CPNE5: variants seen among roughly 807,000 people sequenced by gnomAD.
CPNE5 encodes copine 5.
A neutral mutation model predicts 81.1 loss-of-function variants in CPNE5; 42 were observed. The observed-to-expected ratio is 0.52, with a 90% CI of 0.40 to 0.67. The LOEUF (loss-of-function observed/expected upper bound fraction) is 0.67, where lower values mean the gene tolerates loss of function less well. CPNE5 is among the 30% of genes least tolerant of loss of function. CPNE5 has a pLI of 0.00. For synonymous variants in CPNE5, 313 were observed against 321.5 expected, an observed-to-expected ratio of 0.97 and a Z score of 0.28; for missense variants, 612 against 815.5, an observed-to-expected ratio of 0.75 and a Z score of 3.04.
intron 3 of CPNE5, among the ~76,000 whole-genome samples, chr6:36,811,148 C>G (rs575082010): frequency 6.6e-6 from 1 of 152,186 alleles, no homozygotes; most frequent in Admixed American, 6.5e-5. Flanking sequence ...CTCTCCACCA[C>G]CTTGTCCCCA....
At position 36,742,032 on chromosome 6, in the gene CPNE5, G is replaced by T; in HGVS notation, c.*236C>A. On this transcript the variant is annotated 3_prime_UTR_variant, in exon 21 of 21. Coordinates refer to ENST00000244751, the MANE Select transcript of CPNE5 (RefSeq NM_020939.2). ...AGCCAGGTATTGGGGAAGAAGAGAAGGGCTGGGTCCCTGTGTACCCCTCTT... is the reference window on the plus strand; with the variant it reads ...AGCCAGGTATTGGGGAAGAAGAGAATGGCTGGGTCCCTGTGTACCCCTCTT... 1 of 507,676 alleles carries T rather than the reference G, an allele frequency of 2.0e-6. No homozygotes were observed. Among genetic ancestry groups the T allele is most frequent in the Non-Finnish European group, 3.5e-6 (1 of 285,816 alleles). The allele number at this position is 507,676 out of a possible 1,614,324, so 31.4% of individuals were successfully genotyped here.
At chr6:36,818,264 C>A (rs112300271) in intron 3 of CPNE5, among the ~76,000 whole-genome samples, 2 of 152,172 alleles carry the variant, frequency 1.3e-5, no homozygotes, top group African/African-American at 2.4e-5. Context: ...CTTCTGGCTG[C>A]GACTTTCCCT....
chr6:36,766,003 C>A lies in CPNE5; in HGVS notation c.738-627G>T, dbSNP rs1766532381. 6.6e-6 allele frequency among the ~76,000 whole-genome samples: 1 copy of A among 152,172 alleles called. No individual in the cohort carries two copies. Among genetic ancestry groups the A allele is most frequent in the South Asian group, 2.1e-4 (1 of 4,830 alleles). On this transcript the variant is annotated intron_variant, in intron 10 of 20. Transcript: ENST00000244751. The surrounding 1 kb of genome is among the most constrained non-coding windows in gnomAD (Gnocchi z 4.2). ...ATGCATGCGGATGGGCTTTGAGAGCCCATTTTATTTTTAGCCACGTTCCCA... is the reference window on the plus strand; with the variant it reads ...ATGCATGCGGATGGGCTTTGAGAGCACATTTTATTTTTAGCCACGTTCCCA...
At position 36,746,615 on chromosome 6, in the gene CPNE5, C is replaced by A. The variant is rs763898408; in HGVS notation, c.1019-38G>T. The A allele has an allele frequency of 5.7e-6, 9 of 1,569,134 alleles. No individual in the cohort carries two copies. The highest frequency in any genetic ancestry group is 2.1e-5 in the Admixed American group (1 of 48,606). On this transcript the variant is annotated intron_variant, in intron 15 of 20. Transcript: ENST00000244751. This position sits in a 1 kb window ranked among gnomAD's most constrained non-coding sequence, Gnocchi z 4.5. Reference sequence around the variant, plus strand: ...ACATGGGAGCCTTTGACCATCTGGACCCTCCAAGTCACCCCGGGTTCAGAA... The same window carrying A: ...ACATGGGAGCCTTTGACCATCTGGAACCTCCAAGTCACCCCGGGTTCAGAA...
intron 13 of CPNE5, 101 bp downstream of exon 13, chr6:36,756,144 G>T: frequency 1.6e-6 from 1 of 626,458 alleles, no homozygotes; most frequent in Non-Finnish European, 2.7e-6. Context: ...CCCACGCTCA[G>T]CCCCTGCACA....
intron 3 of CPNE5, among the ~76,000 whole-genome samples, chr6:36,819,324 T>A (rs1229155089): frequency 6.6e-6 from 1 of 152,260 alleles, no homozygotes; most frequent in African/African-American, 2.4e-5. Flanking sequence ...AGTCTCGAAC[T>A]CGTGACCTCA....
chr6:36,822,982 G>A (rs1187813579), intron 2 of CPNE5, 76 bp downstream of exon 2: 17 of 1,292,626 alleles, frequency 1.3e-5, no homozygotes, highest in Non-Finnish European at 1.6e-5. Context: ...CTCAGTAAGG[G>A]CTCAAGCATT....
At chr6:36,816,015 C>A (rs935265439) in intron 3 of CPNE5, among the ~76,000 whole-genome samples, 1 of 152,250 alleles carries the variant, frequency 6.6e-6, no homozygotes, top group Non-Finnish European at 1.5e-5. Flanking sequence ...CCTATCATGT[C>A]CCTCTTCCCA....
intron 8 of CPNE5, among the ~76,000 whole-genome samples, chr6:36,788,789 AT>A (rs1768837406): frequency 6.7e-6 from 1 of 149,834 alleles, no homozygotes; most frequent in Admixed American, 6.7e-5. Context: ...TCAAATTCTG[AT>A]TGTGGGAACT....
At chr6:36,833,380 C>A (rs911157688) in intron 1 of CPNE5, among the ~76,000 whole-genome samples, 11 of 152,214 alleles carry the variant, frequency 7.2e-5, no homozygotes, top group African/African-American at 2.7e-4. Flanking sequence ...TCTGTATAAT[C>A]CCCTCCCCTT....
intron 14 of CPNE5, among the ~76,000 whole-genome samples, chr6:36,752,406 T>G (rs1764943814): frequency 1.3e-5 from 2 of 152,102 alleles, no homozygotes; most frequent in South Asian, 2.1e-4. Flanking sequence ...TTCTGCTCCT[T>G]AAACTCATGT....
At chr6:36,822,066 A>G in intron 3 of CPNE5, 48 bp downstream of exon 3, 1 of 1,476,990 alleles carries the variant, frequency 6.8e-7, no homozygotes, top group Non-Finnish European at 9.1e-7. Context: ...ACAGACAGGC[A>G]GACAGGAACA....
chr6:36,836,405 A>G (rs528524177), intron 1 of CPNE5, among the ~76,000 whole-genome samples: 15 of 152,242 alleles, frequency 9.9e-5, no homozygotes, highest in African/African-American at 3.6e-4. Flanking sequence ...AGGCCCCTTC[A>G]TGAGGAGGAA....
Position 36,742,038 on chromosome 6 carries a change from G to T in CPNE5, c.*230C>A. The T allele has an allele frequency of 1.9e-6, 1 of 518,778 alleles. No individual in the cohort carries two copies. The highest frequency in any genetic ancestry group is 3.4e-6 in the Non-Finnish European group (1 of 292,006). 32.1% of individuals were successfully genotyped at this position (518,778 alleles called of 1,614,324 possible). A position where few individuals can be genotyped will look rare whatever the true frequency, so the allele number is the denominator to read the frequency against. ...GTATTGGGGAAGAAGAGAAGGGCTG[G>T]GTCCCTGTGTACCCCTCTTTCACCC... On this transcript the variant is annotated 3_prime_UTR_variant, in exon 21 of 21. Coordinates refer to ENST00000244751, the MANE Select transcript of CPNE5 (RefSeq NM_020939.2).
chr6:36,755,317 T>C (rs371080426), intron 13 of CPNE5: 7 of 152,200 alleles, frequency 4.6e-5, no homozygotes, highest in East Asian at 1.9e-4. Flanking sequence ...CTGGGTGTGT[T>C]TGCACTGCAG....
chr6:36,753,207 A>AG, intron 13 of CPNE5, 112 bp from the exon 14 acceptor site: 4 of 801,192 alleles, frequency 5.0e-6, no homozygotes, highest in Non-Finnish European at 8.7e-6. Context: ...TTTTGCATGC[A>AG]TGACTGCATG....
intron 3 of CPNE5, among the ~76,000 whole-genome samples, chr6:36,808,595 C>T (rs1176286557): frequency 6.6e-6 from 1 of 152,092 alleles, no homozygotes. Context: ...TACGATCTGC[C>T]TGAGACACCC....
chr6:36,748,321 A>G, intron 14 of CPNE5, 54 bp from the exon 15 acceptor site: 1 of 1,530,316 alleles, frequency 6.5e-7, no homozygotes, highest in Non-Finnish European at 9.1e-7. Flanking sequence ...GGGCTGTGGG[A>G]GGGGGGACAG....
chr6:36,774,879 A>G (rs1452359485), intron 10 of CPNE5, 82 bp downstream of exon 10: 6 of 1,067,080 alleles, frequency 5.6e-6, no homozygotes, highest in Admixed American at 1.9e-5. Context: ...GACCACGTCA[A>G]TATGAATGGG....
Sources: gnomAD v4.1 joint callset for allele counts (sites outside exome capture counted in the v4.1 genomes callset) on GRCh38, gnomAD v4.1.1 for gene constraint, Gnocchi (gnomAD v3.1) non-coding constraint, MANE v1.5 for transcripts, NCBI Gene and HGNC (gene_info 2026-07-23, HGNC 2026-07-21) for gene names.